SNED1: variants seen among roughly 807,000 people sequenced by gnomAD.
The protein encoded by SNED1 is sushi, nidogen and EGF like domains 1, also known as sushi, nidogen and EGF-like domain-containing protein 1.
In SNED1, 81 loss-of-function variants were observed where a neutral mutation model predicts 166.7. The ratio of observed to expected loss-of-function variants is 0.49; its 90% CI spans 0.41 to 0.58. The LOEUF is 0.58. Among genes scored for constraint, SNED1 ranks in the 20% least tolerant of loss-of-function variants. The probability of loss-of-function intolerance (pLI) is 0.00; values close to 1 mark genes in which losing one functional copy is unlikely to be tolerated. For synonymous variants in SNED1, 762 were observed against 822.0 expected, an observed-to-expected ratio of 0.93 and a Z score of 1.25; for missense variants, 1,604 against 2,000.2, an observed-to-expected ratio of 0.80 and a Z score of 3.78.
intron 17 of SNED1, 27 bp downstream of exon 17, chr2:241,062,931 G>C (rs763854854): frequency 7.0e-7 from 1 of 1,436,002 alleles, no homozygotes; most frequent in South Asian, 1.2e-5. Context: ...CCCCGCTGGG[G>C]TGACAGCTGC....
intron 16 of SNED1, 73 bp downstream of exon 16, chr2:241,053,399 CAG>C: frequency 7.0e-7 from 1 of 1,431,364 alleles, no homozygotes; most frequent in Non-Finnish European, 9.4e-7. Flanking sequence ...TGGAGGAGCA[CAG>C]GGGCTGCAGG....
chr2:241,034,630 C>T lies in SNED1; in HGVS notation c.705C>T (p.Asp235=), dbSNP rs761197964. 2 of 1,611,904 alleles carry T rather than the reference C, an allele frequency of 1.2e-6. No individual in the cohort carries two copies. The highest frequency in any genetic ancestry group is 4.5e-5 in the East Asian group (2 of 44,870). The change falls in exon 4 of 32, where the codon GAC becomes GAT. Residue 235 remains aspartate, a synonymous_variant. Transcript: ENST00000310397. The stretch of plus-strand genomic sequence containing the variant: ...GTATCCCCGGCTCGCGCACAGCAGA[C>T]ATGGCCGAGGTGGAGACCACCACCA... The part of the protein sequence containing the change: ...YFSIPGSRTA[D]MAEVETTTNV...
intron 29 of SNED1, among the ~76,000 whole-genome samples, chr2:241,085,042 A>G (rs991066637): frequency 6.6e-6 from 1 of 151,032 alleles, no homozygotes; most frequent in African/African-American, 2.4e-5. Context: ...TGCCCCTTTT[A>G]TGTTTTCCCT....
chr2:241,060,262 A>C (rs761915569), intron 16 of SNED1, among the ~76,000 whole-genome samples: 1 of 151,466 alleles, frequency 6.6e-6, no homozygotes, highest in Non-Finnish European at 1.5e-5. Flanking sequence ...GGCTCACTGC[A>C]ACCTCCGCCT....
intron 20 of SNED1, 56 bp from the exon 21 acceptor site, chr2:241,065,243 A>T (rs1325824458): frequency 1.9e-6 from 3 of 1,584,798 alleles, no homozygotes; most frequent in Non-Finnish European, 2.6e-6. Flanking sequence ...GGAGCCAGGC[A>T]TGCATAGCTA....
In SNED1 at chr2:241,081,655, C is replaced by T. The variant is rs577924949; in HGVS notation, c.3917-22C>T. ...CTGTCCTGGGGTTCCAGTGACTAAC[C>T]TCTCGTGACCTCTGTTTCCAGACGT... On this transcript the variant is annotated intron_variant, in intron 27 of 31. Transcript: ENST00000310397. The T allele has an allele frequency of 7.8e-6, 12 of 1,547,336 alleles. No individual in the cohort carries two copies. In the South Asian group the frequency reaches 1.2e-4, roughly 15 times the overall value.
intron 8 of SNED1, chr2:241,041,348 A>G (rs1348501244): frequency 6.3e-6 from 1 of 158,486 alleles, no homozygotes. Flanking sequence ...TTGCAAATAA[A>G]CCGTGTTTTC....
intron 8 of SNED1, among the ~76,000 whole-genome samples, chr2:241,047,470 A>G (rs951603001): frequency 2.6e-5 from 4 of 152,186 alleles, no homozygotes; most frequent in Non-Finnish European, 5.9e-5. Context: ...AAGCTAGAGG[A>G]GACTTGGGCT....
chr2:241,059,412 C>CAATT (rs1236869251), intron 16 of SNED1, among the ~76,000 whole-genome samples: 1 of 152,202 alleles, frequency 6.6e-6, no homozygotes, highest in Non-Finnish European at 1.5e-5. Flanking sequence ...ATACCAAACT[C>CAATT]AATTGATACC....
At chr2:241,027,630 C>T (rs1403087429) in intron 1 of SNED1, among the ~76,000 whole-genome samples, 1 of 152,082 alleles carries the variant, frequency 6.6e-6, no homozygotes, top group Non-Finnish European at 1.5e-5. Flanking sequence ...TGAGGAACCA[C>T]CATATTGTTT....
chr2:241,085,191 T>C (rs547891530), intron 29 of SNED1, among the ~76,000 whole-genome samples: 4 of 152,352 alleles, frequency 2.6e-5, no homozygotes, highest in African/African-American at 9.6e-5. Flanking sequence ...TATTTCTTCA[T>C]ATATTTTTCC....
chr2:241,051,837 T>C lies in SNED1; in HGVS notation c.1829T>C (p.Phe610Ser). Residue 610 changes from phenylalanine (F) to serine (S), a missense_variant, in exon 13 of 32, where the codon TTC becomes TCC. Transcript: ENST00000310397. The surrounding 1 kb of genome is among the most constrained non-coding windows in gnomAD (Gnocchi z 4.7). ...GEYHCSCPYR[F>S]TGRHCEIGKP... ...TACCACTGCAGCTGCCCCTACCGCT[T>C]CACTGGGAGGCACTGTGAGATCGGT... The C allele has an allele frequency of 6.4e-7, 1 of 1,560,782 alleles. No individual in the cohort carries two copies. The highest frequency in any genetic ancestry group is 8.7e-7 in the Non-Finnish European group (1 of 1,153,188).
intron 24 of SNED1, among the ~76,000 whole-genome samples, chr2:241,070,809 G>A (rs1441555743): frequency 6.6e-6 from 1 of 152,240 alleles, no homozygotes; most frequent in Non-Finnish European, 1.5e-5. Context: ...TGCAGGAGCA[G>A]AACAGGGAGA....
chr2:241,087,626 G>A, intron 30 of SNED1, 151 bp downstream of exon 30: 1 of 1,439,140 alleles, frequency 6.9e-7, no homozygotes, highest in Non-Finnish European at 9.1e-7. Flanking sequence ...GCCACGTTCT[G>A]CTACGAAACT....
intron 16 of SNED1, among the ~76,000 whole-genome samples, chr2:241,061,984 T>C (rs1416829008): frequency 6.6e-6 from 1 of 152,194 alleles, no homozygotes; most frequent in Non-Finnish European, 1.5e-5. Flanking sequence ...AGTGAAAATC[T>C]ATGAACCACA....
Position 241,073,421 on chromosome 2 carries a change from T to G in SNED1, c.3916+57T>G. ...ACTGACTGACTGCTCTCAGGGGCCT[T>G]AGAGGCTGCAGGCAGGAGGGACCAC... On this transcript the variant is annotated intron_variant, in intron 27 of 31. Coordinates refer to ENST00000310397, the MANE Select transcript of SNED1 (RefSeq NM_001080437.3). This position sits in a 1 kb window ranked among gnomAD's most constrained non-coding sequence, Gnocchi z 6.6. 1 of 1,420,654 alleles carries G rather than the reference T, an allele frequency of 7.0e-7. No individual in the cohort carries two copies. The highest frequency in any genetic ancestry group is 9.7e-7 in the Non-Finnish European group (1 of 1,028,256). 88.0% of individuals were successfully genotyped at this position (1,420,654 alleles called of 1,614,324 possible). A position where few individuals can be genotyped will look rare whatever the true frequency, so the allele number is the denominator to read the frequency against.
chr2:241,049,990 C>A (rs973818620), intron 12 of SNED1, 57 bp downstream of exon 12: 3 of 1,275,290 alleles, frequency 2.4e-6, no homozygotes, highest in Non-Finnish European at 3.4e-6. Context: ...CGCCCGCGGT[C>A]CGCCGTCCTG....
chr2:241,073,166 C>G lies in SNED1; in HGVS notation c.3818-100C>G. 2.4e-6 allele frequency: 2 copies of G among 838,512 alleles called. No individual in the cohort carries two copies. Among genetic ancestry groups the G allele is most frequent in the South Asian group, 3.4e-5 (2 of 59,658 alleles). The allele number at this position is 838,512 out of a possible 1,614,324, so 51.9% of individuals were successfully genotyped here. A position where few individuals can be genotyped will look rare whatever the true frequency, so the allele number is the denominator to read the frequency against. On this transcript the variant is annotated intron_variant, in intron 26 of 31. Coordinates refer to ENST00000310397, the MANE Select transcript of SNED1 (RefSeq NM_001080437.3). The surrounding 1 kb of genome is among the most constrained non-coding windows in gnomAD (Gnocchi z 6.6). Reference sequence around the variant, plus strand: ...GGAGCCTGGTCCCCACCAGGGACATCCGTGCTCCCTGAGATATAGAAGCAC... The same window carrying G: ...GGAGCCTGGTCCCCACCAGGGACATGCGTGCTCCCTGAGATATAGAAGCAC...
intron 1 of SNED1, among the ~76,000 whole-genome samples, chr2:241,026,312 A>G (rs1227860978): frequency 6.6e-6 from 1 of 152,130 alleles, no homozygotes; most frequent in Non-Finnish European, 1.5e-5. Flanking sequence ...CACTGCGCCC[A>G]GCCTGTTTTT....
Sources: gnomAD v4.1 joint callset for allele counts (sites outside exome capture counted in the v4.1 genomes callset) on GRCh38, gnomAD v4.1.1 for gene constraint, Gnocchi (gnomAD v3.1) non-coding constraint, MANE v1.5 for transcripts, NCBI Gene and HGNC (gene_info 2026-07-23, HGNC 2026-07-21) for gene names.